Variants in NRG1 observed in about 807,000 individuals in gnomAD.
NRG1 encodes the protein neuregulin 1, also known as pro-neuregulin-1, membrane-bound isoform.
Under a neutral mutation model 63.8 loss-of-function variants are expected in NRG1, and 18 were observed. The ratio of observed to expected loss-of-function variants is 0.28; its 90% CI spans 0.19 to 0.42. The LOEUF (loss-of-function observed/expected upper bound fraction) is 0.42, where lower values mean the gene tolerates loss of function less well. Among genes scored for constraint, NRG1 ranks in the 10% least tolerant of loss-of-function variants. The probability of loss-of-function intolerance (pLI) is 1.00; values close to 1 mark genes in which losing one functional copy is unlikely to be tolerated. For missense variants in NRG1, 762 were observed against 814.7 expected, an observed-to-expected ratio of 0.94 and a Z score of 0.79; for synonymous variants, 302 against 301.3, an observed-to-expected ratio of 1.00 and a Z score of -0.02.
At chr8:32,422,200 A>G (rs959320702) in intron 1 of NRG1, among the ~76,000 whole-genome samples, 3 of 152,152 alleles carry the variant, frequency 2.0e-5, no homozygotes, top group Non-Finnish European at 2.9e-5. Context: ...AAAGTAAAGC[A>G]TCATCCCAAT....
At position 32,398,995 on chromosome 8, in the gene NRG1, C is replaced by T. The variant is rs139523448; in HGVS notation, c.38-196833C>T. Among the ~76,000 whole-genome samples, 1,512 of 152,122 alleles carry T rather than the reference C, an allele frequency of 9.9e-3. 23 individuals are homozygous for T. Among genetic ancestry groups the T allele is most frequent in the Admixed American group, 0.034 (517 of 15,282 alleles). On this transcript the variant is annotated intron_variant, in intron 1 of 10. Coordinates refer to the NRG1 transcript ENST00000519301. ...GTTTGATAATCTTTGCTTAAAATAA[C>T]CTCATTTATTTTGTACGAATGTACA...
At chr8:32,370,085 GC>G (rs1808609018) in intron 1 of NRG1, among the ~76,000 whole-genome samples, 1 of 152,192 alleles carries the variant, frequency 6.6e-6, no homozygotes, top group South Asian at 2.1e-4. Context: ...ACATGAACTG[GC>G]AAATGGCAAC....
chr8:32,600,245 TA>T (rs202100794), intron 2 of NRG1, among the ~76,000 whole-genome samples: 6 of 151,180 alleles, frequency 4.0e-5, no homozygotes, highest in South Asian at 2.1e-4. Flanking sequence ...TCTCTATACT[TA>T]AAAAAAAATC....
exon 1 of NRG1, chr8:31,639,417 G>T (rs777329120): frequency 6.5e-7 from 1 of 1,534,888 alleles, no homozygotes; most frequent in South Asian, 1.2e-5. Flanking sequence ...CGCGCGGGCC[G>T]AGTTGGCACC....
At chr8:32,059,281 C>G (rs1331651216) in intron 1 of NRG1, among the ~76,000 whole-genome samples, 3 of 151,708 alleles carry the variant, frequency 2.0e-5, no homozygotes, top group East Asian at 3.9e-4. Context: ...TGCTTTCCCC[C>G]ACTCCAAATA....
In NRG1 at chr8:32,759,209, CT is replaced by C. The variant is rs1830238642; in HGVS notation, c.922-96del. ...TGTACAAAAATAGATTTGTGTGTTT[CT>C]GACAGTGTTAACGTTTTTATTTACA... On this transcript the variant is annotated intron_variant, in intron 9 of 11. Coordinates refer to ENST00000356819, the Ensembl canonical transcript of NRG1. The C allele has an allele frequency of 2.3e-6, 3 of 1,328,630 alleles. No homozygotes were observed. In the Admixed American group the frequency reaches 6.7e-5, roughly 29 times the overall value. 82.3% of individuals were successfully genotyped at this position (1,328,630 alleles called of 1,614,324 possible).
At position 32,639,543 on chromosome 8, in the gene NRG1, G is replaced by A. The variant is rs575571034; in HGVS notation, c.502+22658G>A. Among the ~76,000 whole-genome samples the A allele has an allele frequency of 5.4e-4, 83 of 152,300 alleles. 1 individual carries two copies. Among genetic ancestry groups the A allele is most frequent in the African/African-American group, 1.9e-3 (77 of 41,560 alleles). On this transcript the variant is annotated intron_variant, in intron 5 of 11. Coordinates refer to ENST00000356819, the Ensembl canonical transcript of NRG1. ...GTATATTTTATACATGGGCTTATGTGAAGTTTCAGTCTCTTGAATAGCTGG... is the reference window on the plus strand; with the variant it reads ...GTATATTTTATACATGGGCTTATGTAAAGTTTCAGTCTCTTGAATAGCTGG...
chr8:31,891,260 G>C (rs1210024568), intron 1 of NRG1, among the ~76,000 whole-genome samples: 1 of 152,060 alleles, frequency 6.6e-6, no homozygotes, highest in Non-Finnish European at 1.5e-5. Flanking sequence ...ACTTGATCTA[G>C]GACTAGTAAC....
chr8:32,111,074 G>A (rs764913597), intron 1 of NRG1, among the ~76,000 whole-genome samples: 11 of 151,960 alleles, frequency 7.2e-5, no homozygotes, highest in South Asian at 4.2e-4. Context: ...CTTAGGATTC[G>A]TATTCTTCCC....
chr8:31,845,018 A>T (rs1046241052), intron 1 of NRG1, among the ~76,000 whole-genome samples: 12 of 152,018 alleles, frequency 7.9e-5, no homozygotes, highest in African/African-American at 2.9e-4. Context: ...GAGGCAGGAG[A>T]ATCATTCAAA....
intron 11 of NRG1, chr8:32,763,295 A>G (rs1416494049): frequency 1.2e-6 from 2 of 1,613,682 alleles, no homozygotes; most frequent in African/African-American, 1.3e-5. Flanking sequence ...TCAGCAACTC[A>G]TCTTAGATCT....
At chr8:32,229,105 T>C (rs965062120) in intron 1 of NRG1, among the ~76,000 whole-genome samples, 27 of 152,186 alleles carry the variant, frequency 1.8e-4, no homozygotes, top group African/African-American at 5.8e-4. Context: ...CAGTACACCT[T>C]GGCATCACCA....
At chr8:32,771,720 A>ATG (rs1831818211), downstream of NRG1, among the ~76,000 whole-genome samples, 1 of 129,478 alleles carries the variant, frequency 7.7e-6, no homozygotes. Flanking sequence ...AAAAAAATAT[A>ATG]TATATATATA....
chr8:31,950,287 G>A (rs1803262631), intron 1 of NRG1, among the ~76,000 whole-genome samples: 1 of 152,336 alleles, frequency 6.6e-6, no homozygotes, highest in East Asian at 1.9e-4. Context: ...CGGGTTGTTT[G>A]AAGCTATCTT....
chr8:32,422,209 AT>A (rs772142354), intron 1 of NRG1, among the ~76,000 whole-genome samples: 51 of 152,254 alleles, frequency 3.3e-4, no homozygotes, highest in Non-Finnish European at 5.6e-4. Context: ...CATCATCCCA[AT>A]TTCTTTCACC....
chr8:32,762,281 A>T (rs1830859299), intron 11 of NRG1, among the ~76,000 whole-genome samples: 1 of 152,152 alleles, frequency 6.6e-6, no homozygotes, highest in African/African-American at 2.4e-5. Flanking sequence ...TTTTTGAAAC[A>T]TGAAAAGGAA....
intron 1 of NRG1, among the ~76,000 whole-genome samples, chr8:32,047,945 C>G (rs2130772012): frequency 6.6e-6 from 1 of 152,036 alleles, no homozygotes; most frequent in African/African-American, 2.4e-5. Flanking sequence ...CCATTCTGTT[C>G]TCTCCTATGA....
intron 1 of NRG1, among the ~76,000 whole-genome samples, chr8:32,351,262 T>C (rs1805567518): frequency 6.6e-6 from 1 of 152,318 alleles, no homozygotes; most frequent in Non-Finnish European, 1.5e-5. Context: ...ACTTGCTGCT[T>C]CCCCAGAAAG....
At chr8:32,067,342 T>G (rs181227882) in intron 1 of NRG1, among the ~76,000 whole-genome samples, 1 of 152,300 alleles carries the variant, frequency 6.6e-6, no homozygotes, top group East Asian at 1.9e-4. Flanking sequence ...AGACAGCGCT[T>G]ATTATTTTGA....
Sources: allele counts gnomAD v4.1 joint callset (sites outside exome capture counted in the v4.1 genomes callset), GRCh38; gene constraint gnomAD v4.1.1; transcripts MANE v1.5; gene names NCBI Gene and HGNC (gene_info 2026-07-23, HGNC 2026-07-21).